PTPRM: variants seen among roughly 807,000 people sequenced by gnomAD.
The protein encoded by PTPRM is receptor-type tyrosine-protein phosphatase mu.
In PTPRM, 47 loss-of-function variants were observed where a neutral mutation model predicts 186.7. The ratio of observed to expected loss-of-function variants is 0.25; its 90% confidence interval spans 0.20 to 0.32. The LOEUF is 0.32. Among genes scored for constraint, PTPRM ranks in the 10% least tolerant of loss-of-function variants. The pLI is 1.00. For synonymous variants in PTPRM, 668 were observed against 674.9 expected (o/e 0.99, Z 0.16); for missense variants, 1,494 against 1,865.0 (o/e 0.80, Z 3.66).
At chr18:8,256,193 G>A (rs2094573222) in intron 19 of PTPRM, among the ~76,000 whole-genome samples, 1 of 152,110 alleles carries the variant, frequency 6.6e-6, no homozygotes, top group Non-Finnish European at 1.5e-5. Flanking sequence ...AACTGGTGTA[G>A]TGGGAGTCTC....
At chr18:7,645,366 A>G (rs1405612483) in intron 1 of PTPRM, among the ~76,000 whole-genome samples, 1 of 152,218 alleles carries the variant, frequency 6.6e-6, no homozygotes, top group African/African-American at 2.4e-5. Context: ...CAATTCCAGG[A>G]AAATCCTTAG....
chr18:7,730,266 C>T (rs2040631202), intron 1 of PTPRM, among the ~76,000 whole-genome samples: 1 of 152,122 alleles, frequency 6.6e-6, no homozygotes, highest in African/African-American at 2.4e-5. Context: ...CTGTTACGTA[C>T]TGGATGCTTA....
At chr18:7,679,995 A>G (rs1042782690) in intron 1 of PTPRM, among the ~76,000 whole-genome samples, 1 of 151,942 alleles carries the variant, frequency 6.6e-6, no homozygotes, top group African/African-American at 2.4e-5. Context: ...TCTCCCAAGT[A>G]GCTGTGACCA....
At chr18:7,994,865 A>G (rs1474909494) in intron 7 of PTPRM, among the ~76,000 whole-genome samples, 1 of 152,104 alleles carries the variant, frequency 6.6e-6, no homozygotes, top group East Asian at 1.9e-4. Context: ...CCTACATCAA[A>G]AAGTAGAAAG....
intron 1 of PTPRM, among the ~76,000 whole-genome samples, chr18:7,649,852 C>CA (rs34755268): frequency 6.6e-6 from 1 of 151,850 alleles, no homozygotes; most frequent in South Asian, 2.1e-4. Flanking sequence ...CCTTCCACCA[C>CA]AAAAAAAATT....
intron 1 of PTPRM, among the ~76,000 whole-genome samples, chr18:7,732,247 G>A (rs1004875476): frequency 1.3e-5 from 2 of 152,154 alleles, no homozygotes; most frequent in African/African-American, 4.8e-5. Context: ...TAGCCTGAAG[G>A]GGTGAGTGAT....
intron 14 of PTPRM, among the ~76,000 whole-genome samples, chr18:8,238,697 A>G (rs1438090278): frequency 8.6e-6 from 1 of 115,694 alleles, no homozygotes; most frequent in African/African-American, 3.3e-5. Flanking sequence ...GAAGCTACAC[A>G]TGGTGTATTG....
chr18:7,667,963 A>G (rs181639237), intron 1 of PTPRM, among the ~76,000 whole-genome samples: 108 of 152,170 alleles, frequency 7.1e-4, no homozygotes, highest in African/African-American at 2.5e-3. Flanking sequence ...TTACATGCTC[A>G]CATTTTCCTG....
rs1391804423 is a variant in PTPRM at position 8,114,776 on chromosome 18, CTT to C, written c.2131-13_2131-12del. ...AACATGAATAATGATTTTTCCCTCTCTTTATTTGACACAGGAAACCAAAATAG... is the reference window on the plus strand; with the variant it reads ...AACATGAATAATGATTTTTCCCTCTCTATTTGACACAGGAAACCAAAATAG... On this transcript the variant is annotated splice_polypyrimidine_tract_variant and intron_variant, in intron 12 of 32. Transcript: ENST00000580170. 1.1e-5 allele frequency: 17 copies of C among 1,598,012 alleles called. No homozygotes were observed. Among genetic ancestry groups the C allele is most frequent in the Non-Finnish European group, 1.5e-5 (17 of 1,170,038 alleles).
chr18:8,127,418 G>GGTT (rs71354600), intron 13 of PTPRM, among the ~76,000 whole-genome samples: 5 of 133,830 alleles, frequency 3.7e-5, no homozygotes, highest in African/African-American at 1.4e-4. Context: ...CAGCTGTATT[G>GGTT]TTTTTTTTTT....
intron 7 of PTPRM, among the ~76,000 whole-genome samples, chr18:8,048,639 A>G (rs1437686722): frequency 6.6e-6 from 1 of 152,206 alleles, no homozygotes; most frequent in Non-Finnish European, 1.5e-5. Flanking sequence ...CAGTATAGCC[A>G]TCAATCTAGC....
At chr18:8,085,626 G>A (rs1320378961) in intron 9 of PTPRM, 45 bp from the exon 10 acceptor site, 2 of 1,480,978 alleles carry the variant, frequency 1.4e-6, no homozygotes, top group Non-Finnish European at 1.9e-6. Context: ...TGCAATCTGA[G>A]TCCATCTGCT....
chr18:8,091,127 C>T lies in PTPRM; in HGVS notation c.1856+2276C>T, dbSNP rs76103536. ...TCTTGGTGTCCTCAGGCTTCCTATT[C>T]TTACATCTATAAAAATACAGATCCA... On this transcript the variant is annotated intron_variant, in intron 11 of 32. Coordinates refer to ENST00000580170, the MANE Select transcript of PTPRM (RefSeq NM_001105244.2). Among the ~76,000 whole-genome samples, 3,025 of 152,220 alleles carry T rather than the reference C, an allele frequency of 0.02. 210 individuals carry two copies. The East Asian group carries it at 0.27, about 14-fold the overall frequency.
intron 1 of PTPRM, among the ~76,000 whole-genome samples, chr18:7,655,811 C>A (rs2038832792): frequency 6.6e-6 from 1 of 151,962 alleles, no homozygotes; most frequent in Admixed American, 6.6e-5. Context: ...TTTATGATTC[C>A]AGTTATCTCA....
chr18:8,019,480 G>C (rs934516612), intron 7 of PTPRM, among the ~76,000 whole-genome samples: 1 of 151,904 alleles, frequency 6.6e-6, no homozygotes, highest in African/African-American at 2.4e-5. Flanking sequence ...TTTCTGATTT[G>C]GTCATTATTT....
intron 15 of PTPRM, among the ~76,000 whole-genome samples, chr18:8,244,855 G>A (rs1016434868): frequency 2.6e-5 from 4 of 152,026 alleles, no homozygotes; most frequent in East Asian, 1.9e-4. Context: ...TGGTAATCTC[G>A]GAGACCAGAG....
intron 7 of PTPRM, among the ~76,000 whole-genome samples, chr18:8,012,145 T>A (rs1205527007): frequency 6.6e-6 from 1 of 152,238 alleles, no homozygotes; most frequent in Non-Finnish European, 1.5e-5. Context: ...TTGAGCACTA[T>A]AGTGAATTCT....
chr18:7,839,273 G>A (rs900823764), intron 2 of PTPRM, among the ~76,000 whole-genome samples: 5 of 152,136 alleles, frequency 3.3e-5, no homozygotes, highest in African/African-American at 9.7e-5. Flanking sequence ...GCCTCGTATA[G>A]CCACCACAGC....
intron 2 of PTPRM, among the ~76,000 whole-genome samples, chr18:7,873,242 T>C (rs1230620875): frequency 1.3e-5 from 2 of 152,234 alleles, no homozygotes. Context: ...TTAAGACTTA[T>C]AATTCAAAGC....
Sources: gnomAD v4.1 joint callset for allele counts (sites outside exome capture counted in the v4.1 genomes callset) on GRCh38, gnomAD v4.1.1 for gene constraint, MANE v1.5 for transcripts, NCBI Gene and HGNC (gene_info 2026-07-23, HGNC 2026-07-21) for gene names.